HDAC4: variants seen among roughly 807,000 people sequenced by gnomAD.
HDAC4 encodes the protein histone deacetylase A.
HDAC4 carries 16 observed loss-of-function variants against 135.1 expected under a neutral mutation model. That is an observed-to-expected ratio of 0.12 (90% CI 0.08 to 0.18). HDAC4 has a LOEUF of 0.18. Among genes scored for constraint, HDAC4 ranks in the 10% least tolerant of loss-of-function variants. The pLI is 1.00. For missense variants in HDAC4, 1,143 were observed against 1,511.8 expected, an observed-to-expected ratio of 0.76 and a Z score of 4.05; for synonymous variants, 685 against 653.4, an observed-to-expected ratio of 1.05 and a Z score of -0.74.
chr2:239,125,089 G>A (rs375272552), intron 12 of HDAC4, among the ~76,000 whole-genome samples: 6 of 152,226 alleles, frequency 3.9e-5, no homozygotes, highest in Non-Finnish European at 5.9e-5. Flanking sequence ...TGGCTATCAC[G>A]ACTGATACGG....
chr2:239,053,148 G>C lies in HDAC4; in HGVS notation c.3231-12C>G. On this transcript the variant is annotated splice_polypyrimidine_tract_variant and intron_variant, in intron 26 of 26. Transcript: ENST00000543185. ...GCTCCTCATCTGGTCTGTGGATCCCGCAAGAGAAGGAGATGGGGGCGTGGG... is the reference window on the plus strand; with the variant it reads ...GCTCCTCATCTGGTCTGTGGATCCCCCAAGAGAAGGAGATGGGGGCGTGGG... 6.2e-7 allele frequency: 1 copy of C among 1,614,070 alleles called. No individual in the cohort carries two copies.
intron 3 of HDAC4, among the ~76,000 whole-genome samples, chr2:239,208,499 C>T (rs768207475): frequency 2.0e-5 from 3 of 152,190 alleles, no homozygotes; most frequent in Non-Finnish European, 4.4e-5. Context: ...TAAAAGAGCG[C>T]TTCTTTAACC....
At chr2:239,235,177 CAGAA>C (rs2047811876) in intron 3 of HDAC4, among the ~76,000 whole-genome samples, 2 of 151,840 alleles carry the variant, frequency 1.3e-5, no homozygotes, top group African/African-American at 4.9e-5. Flanking sequence ...AAAAAACAGA[CAGAA>C]AGGAGCCCCC....
chr2:239,355,838 A>G (rs146397953), intron 1 of HDAC4, among the ~76,000 whole-genome samples: 65 of 152,364 alleles, frequency 4.3e-4, no homozygotes, highest in Non-Finnish European at 6.9e-4. Context: ...TCTCAAAGCT[A>G]TAATTCTGGC....
At chr2:239,310,227 C>T (rs1428001152) in intron 2 of HDAC4, among the ~76,000 whole-genome samples, 6 of 152,164 alleles carry the variant, frequency 3.9e-5, no homozygotes, top group Non-Finnish European at 2.9e-5. Context: ...CCAAAGCCAA[C>T]GTGATTAGTA....
rs892672554 is a variant in HDAC4, at chr2:239,262,911, G to A, written c.23-26247C>T. Reference sequence around the variant, plus strand: ...GTGGATCCCTCACTGGAAGGTCACGGCACCACTGAGACAGCCTGGAAGCTT... The same window carrying A: ...GTGGATCCCTCACTGGAAGGTCACGACACCACTGAGACAGCCTGGAAGCTT... On this transcript the variant is annotated intron_variant, in intron 2 of 26. Coordinates refer to ENST00000543185, the MANE Select transcript of HDAC4 (RefSeq NM_001378414.1). This position sits in a 1 kb window ranked among gnomAD's most constrained non-coding sequence, Gnocchi z 4.1. Among the ~76,000 whole-genome samples the A allele has an allele frequency of 1.3e-5, 2 of 151,978 alleles. No homozygotes were observed. Among genetic ancestry groups the A allele is most frequent in the African/African-American group, 4.8e-5 (2 of 41,384 alleles).
intron 8 of HDAC4, 100 bp downstream of exon 8, chr2:239,144,483 A>T (rs2041618385): frequency 6.8e-7 from 1 of 1,469,742 alleles, no homozygotes; most frequent in Admixed American, 1.7e-5. Flanking sequence ...AGCGTGAGGC[A>T]GACACGTGGG....
intron 2 of HDAC4, among the ~76,000 whole-genome samples, chr2:239,289,163 A>C (rs1220216213): frequency 6.6e-6 from 1 of 152,228 alleles, no homozygotes; most frequent in Non-Finnish European, 1.5e-5. Context: ...TATGGTTCTC[A>C]AAATGAGAAA....
At chr2:239,251,995 T>C (rs1202645653) in intron 2 of HDAC4, among the ~76,000 whole-genome samples, 3 of 152,230 alleles carry the variant, frequency 2.0e-5, no homozygotes, top group African/African-American at 7.2e-5. Flanking sequence ...TATACAGTGA[T>C]TTCTTTGTAT....
intron 1 of HDAC4, among the ~76,000 whole-genome samples, chr2:239,398,070 C>G (rs574790867): frequency 1.4e-3 from 6 of 4,166 alleles, no homozygotes; most frequent in Non-Finnish European, 2.2e-3. Flanking sequence ...CCTTCAGTTC[C>G]CCCATCCCCA....
intron 18 of HDAC4, 163 bp downstream of exon 18, chr2:239,089,844 CTT>C (rs763759322): frequency 6.1e-6 from 4 of 654,104 alleles, no homozygotes; most frequent in Non-Finnish European, 1.1e-5. Context: ...GGCAATGTCT[CTT>C]TGATTCAATA....
At chr2:239,138,520 C>T (rs867253194) in intron 9 of HDAC4, among the ~76,000 whole-genome samples, 1 of 152,136 alleles carries the variant, frequency 6.6e-6, no homozygotes, top group African/African-American at 2.4e-5. Flanking sequence ...CAGAAAGAAC[C>T]TCCCACTCAG....
intron 24 of HDAC4, among the ~76,000 whole-genome samples, chr2:239,059,942 G>A (rs1014348454): frequency 1.3e-5 from 2 of 152,200 alleles, no homozygotes; most frequent in African/African-American, 2.4e-5. Context: ...CTCTCCGGGG[G>A]CCCTTGGATC....
intron 24 of HDAC4, among the ~76,000 whole-genome samples, chr2:239,062,008 C>T (rs965990603): frequency 2.0e-5 from 3 of 152,254 alleles, no homozygotes; most frequent in East Asian, 1.9e-4. Flanking sequence ...TCCCCGTGGC[C>T]GTCTGGTGCA....
intron 1 of HDAC4, among the ~76,000 whole-genome samples, chr2:239,388,866 C>G (rs997551029): frequency 3.3e-5 from 5 of 152,328 alleles, no homozygotes; most frequent in Admixed American, 3.3e-4. Flanking sequence ...CATTTTGGCA[C>G]ACTTGGGCTC....
chr2:239,254,071 G>A (rs2048928851), intron 2 of HDAC4, among the ~76,000 whole-genome samples: 1 of 152,178 alleles, frequency 6.6e-6, no homozygotes, highest in Admixed American at 6.5e-5. Flanking sequence ...CCCTGTGGAT[G>A]TGGCCTCCAG....
chr2:239,154,308 C>T (rs1237875708), intron 7 of HDAC4, among the ~76,000 whole-genome samples: 1 of 152,142 alleles, frequency 6.6e-6, no homozygotes, highest in East Asian at 1.9e-4. Context: ...ACAGCCATCA[C>T]TCCCAGGACA....
intron 3 of HDAC4, 97 bp from the exon 4 acceptor site, chr2:239,190,174 C>CGGGG (rs74761897): frequency 1.9e-6 from 2 of 1,071,052 alleles, no homozygotes; most frequent in Non-Finnish European, 2.5e-6. Context: ...CTTCACGGGG[C>CGGGG]GGGGGGGGGG....
At chr2:239,364,309 C>T (rs1694037814) in intron 1 of HDAC4, among the ~76,000 whole-genome samples, 1 of 152,220 alleles carries the variant, frequency 6.6e-6, no homozygotes, top group Non-Finnish European at 1.5e-5. Context: ...GAATAAATAC[C>T]TTGTGATGTC....
Sources: allele counts gnomAD v4.1 joint callset (sites outside exome capture counted in the v4.1 genomes callset), GRCh38; gene constraint gnomAD v4.1.1; non-coding constraint Gnocchi (gnomAD v3.1); transcripts MANE v1.5; gene names NCBI Gene and HGNC (gene_info 2026-07-23, HGNC 2026-07-21).